RGS8: variants seen among roughly 807,000 people sequenced by gnomAD.
The protein encoded by RGS8 is regulator of G-protein signaling 8.
Under a neutral mutation model 21.7 loss-of-function variants are expected in RGS8, and 8 were observed. The ratio of observed to expected loss-of-function variants is 0.37; its 90% confidence interval spans 0.22 to 0.66. The LOEUF (loss-of-function observed/expected upper bound fraction) is 0.66. RGS8 is among the 30% of genes least tolerant of loss of function. RGS8 has a pLI of 0.59. For synonymous variants in RGS8, 80 were observed against 83.6 expected (o/e 0.96, Z 0.24); for missense variants, 157 against 217.9 (o/e 0.72, Z 1.76).
Position 182,669,761 on chromosome 1 carries a change from AAAGAAT to A in RGS8, c.-103-15_-103-10del. ...CTTGCACGTCCTCTCACCTAAAATC[AAAGAAT>A]CTGCTGTAAGAGGGGCCACCCTCTC... On this transcript the variant is annotated splice_polypyrimidine_tract_variant and intron_variant, in intron 2 of 6. Transcript: ENST00000483095. The A allele has an allele frequency of 6.3e-7, 1 of 1,578,860 alleles. No homozygotes were observed. The highest frequency in any genetic ancestry group is 8.6e-7 in the Non-Finnish European group (1 of 1,160,608).
the RGS8 span, among the ~76,000 whole-genome samples, chr1:182,694,112 CT>C: frequency 6.6e-6 from 1 of 151,846 alleles, no homozygotes; most frequent in East Asian, 1.9e-4. Context: ...GCATGTACCC[CT>C]GAACCTAAAA....
the RGS8 span, among the ~76,000 whole-genome samples, chr1:182,747,420 T>C: frequency 2.0e-4 from 31 of 152,190 alleles, no homozygotes; most frequent in Non-Finnish European, 3.2e-4. Context: ...TCACAAGTCT[T>C]TCCAGTGGTT....
At chr1:182,700,610 G>A in the RGS8 span, among the ~76,000 whole-genome samples, 1 of 152,218 alleles carries the variant, frequency 6.6e-6, no homozygotes, top group Non-Finnish European at 1.5e-5. Context: ...TCAGGAGATA[G>A]CAGAATTGCT....
At chr1:182,721,014 T>TATGTGTGTATATATAC in the RGS8 span, among the ~76,000 whole-genome samples, 56 of 105,436 alleles carry the variant, frequency 5.3e-4, 3 homozygotes, top group African/African-American at 2.0e-3. Flanking sequence ...TATACATATA[T>TATGTGTGTATATATAC]ACACATATAT....
At chr1:182,740,051 T>G in the RGS8 span, among the ~76,000 whole-genome samples, 1 of 152,206 alleles carries the variant, frequency 6.6e-6, no homozygotes, top group African/African-American at 2.4e-5. Flanking sequence ...CCACAGAGAT[T>G]CATATGGAAT....
the RGS8 span, among the ~76,000 whole-genome samples, chr1:182,702,217 T>C: frequency 6.6e-6 from 1 of 152,210 alleles, no homozygotes; most frequent in African/African-American, 2.4e-5. Context: ...CACCATGGAA[T>C]ACTGTGTAGC....
chr1:182,736,536 G>A, the RGS8 span, among the ~76,000 whole-genome samples: 2 of 152,140 alleles, frequency 1.3e-5, no homozygotes, highest in African/African-American at 4.8e-5. Context: ...ATTAGAATTT[G>A]GTGGGTTAGC....
At chr1:182,715,351 C>T in the RGS8 span, among the ~76,000 whole-genome samples, 8 of 152,230 alleles carry the variant, frequency 5.3e-5, no homozygotes, top group Non-Finnish European at 8.8e-5. Context: ...CAGTTACTCT[C>T]ACTTACCCCT....
At chr1:182,646,733 G>A (rs376778898) in exon 7 of RGS8, 4 of 1,610,254 alleles carry the variant, frequency 2.5e-6, no homozygotes, top group Non-Finnish European at 3.4e-6. Context: ...CCCTTCTGAG[G>A]TCTAACTGAG....
intron 5 of RGS8, among the ~76,000 whole-genome samples, chr1:182,661,375 A>G (rs1258287371): frequency 2.0e-5 from 3 of 152,078 alleles, no homozygotes; most frequent in Non-Finnish European, 4.4e-5. Flanking sequence ...GCCTGGGGTG[A>G]GGTGCTCATT....
the RGS8 span, among the ~76,000 whole-genome samples, chr1:182,726,826 C>T: frequency 6.6e-6 from 1 of 152,270 alleles, no homozygotes; most frequent in African/African-American, 2.4e-5. Flanking sequence ...ATGATGGAAG[C>T]TAGCCACAAC....
downstream of RGS8, chr1:182,643,077 T>G (rs555892388): frequency 6.6e-6 from 1 of 152,362 alleles, no homozygotes; most frequent in South Asian, 2.1e-4. Flanking sequence ...TCAGAAAGCA[T>G]GGCAGAGCGT....
the RGS8 span, among the ~76,000 whole-genome samples, chr1:182,706,998 A>T: frequency 4.7e-3 from 711 of 151,918 alleles, 6 homozygotes; most frequent in African/African-American, 0.016. Context: ...TCTCTACTAA[A>T]AATACAAAAA....
chr1:182,676,254 C>T (rs572443217), upstream of RGS8, among the ~76,000 whole-genome samples: 14 of 152,080 alleles, frequency 9.2e-5, no homozygotes, highest in Non-Finnish European at 1.3e-4. Context: ...TAAAAAGCCA[C>T]GAGAGTGGAG....
the RGS8 span, among the ~76,000 whole-genome samples, chr1:182,721,078 T>C: frequency 5.4e-4 from 58 of 108,258 alleles, 4 homozygotes; most frequent in Admixed American, 1.1e-3. Flanking sequence ...TATACATATA[T>C]ACACATATAT....
At chr1:182,669,875 A>C in intron 2 of RGS8, 123 bp from the exon 4 acceptor site, 10 of 1,105,982 alleles carry the variant, frequency 9.0e-6, no homozygotes, top group East Asian at 2.9e-5. Context: ...AGCCCCACAA[A>C]TGTCCACTTG....
At chr1:182,743,858 CCA>C in the RGS8 span, among the ~76,000 whole-genome samples, 1 of 152,146 alleles carries the variant, frequency 6.6e-6, no homozygotes, top group Non-Finnish European at 1.5e-5. Context: ...ATACACATAC[CCA>C]CACACATATA....
chr1:182,715,519 C>T, the RGS8 span, among the ~76,000 whole-genome samples: 1 of 152,204 alleles, frequency 6.6e-6, no homozygotes, highest in Non-Finnish European at 1.5e-5. Context: ...AGTTTCCTAA[C>T]TTTAGCCCAT....
chr1:182,688,357 GCTCTCTCT>G (rs57313959), upstream of RGS8, among the ~76,000 whole-genome samples: 13 of 147,278 alleles, frequency 8.8e-5, no homozygotes, highest in African/African-American at 3.0e-4. Context: ...TCTCTCGCTC[GCTCTCTCT>G]CTCTCTCTCT....
Sources: gnomAD v4.1 joint callset for allele counts (sites outside exome capture counted in the v4.1 genomes callset) on GRCh38, gnomAD v4.1.1 for gene constraint, MANE v1.5 for transcripts, NCBI Gene and HGNC (gene_info 2026-07-23, HGNC 2026-07-21) for gene names.